ARHGEF6: variants seen among roughly 807,000 people sequenced by gnomAD.
The protein encoded by ARHGEF6 is rho guanine nucleotide exchange factor 6.
Under a neutral mutation model 70.3 loss-of-function variants are expected in ARHGEF6, and 9 were observed. That is an observed-to-expected ratio of 0.13 (90% CI 0.08 to 0.22). The LOEUF (loss-of-function observed/expected upper bound fraction) is 0.22. Ranked by LOEUF, ARHGEF6 falls within the 10% of genes least tolerant of loss-of-function variation. The pLI, the probability that ARHGEF6 is intolerant of heterozygous loss-of-function variation, is 1.00. For missense variants in ARHGEF6, 470 were observed against 563.0 expected (o/e 0.83, Z 1.67); for synonymous variants, 201 against 207.8 (o/e 0.97, Z 0.28).
At chrX:136,704,431 G>A (rs2076606240) in intron 9 of ARHGEF6, among the ~76,000 whole-genome samples, 2 of 112,300 alleles carry the variant, frequency 1.8e-5, no homozygotes, top group Non-Finnish European at 3.8e-5. Context: ...GAAGGTATAC[G>A]AACTTCCAGT....
chrX:136,729,647 T>C (rs2076914108), intron 6 of ARHGEF6, among the ~76,000 whole-genome samples: 1 of 107,365 alleles, frequency 9.3e-6, no homozygotes, highest in Non-Finnish European at 1.9e-5. Flanking sequence ...CTGGCCAATA[T>C]AGTGAAACCC....
At chrX:136,767,072 G>T in intron 2 of ARHGEF6, 1 of 744,601 alleles carries the variant, frequency 1.3e-6, no homozygotes, top group Middle Eastern at 7.7e-4. Flanking sequence ...TCCAAAGGGG[G>T]TCCTTCGGCA....
chrX:136,743,934 G>A (rs2077069698), intron 4 of ARHGEF6, 148 bp from the exon 5 acceptor site: 1 of 526,774 alleles, frequency 1.9e-6, no homozygotes, highest in Non-Finnish European at 3.2e-6. Flanking sequence ...AGGAATCCAT[G>A]AATGGGTCTC....
At chrX:136,744,790 T>C (rs775684335) in intron 4 of ARHGEF6, among the ~76,000 whole-genome samples, 1 of 112,029 alleles carries the variant, frequency 8.9e-6, no homozygotes, top group South Asian at 3.7e-4. Context: ...AAATCAAGCC[T>C]TCCTCATTAG....
intron 2 of ARHGEF6, among the ~76,000 whole-genome samples, chrX:136,777,194 C>T (rs1264991866): frequency 9.0e-6 from 1 of 111,513 alleles, no homozygotes; most frequent in Non-Finnish European, 1.9e-5. Context: ...CACTGCATTC[C>T]AGCTTGGGCA....
chrX:136,756,812 A>G (rs1375726522), intron 2 of ARHGEF6, among the ~76,000 whole-genome samples: 1 of 112,539 alleles, frequency 8.9e-6, no homozygotes, highest in Non-Finnish European at 1.9e-5. Context: ...TTTGAAAAGT[A>G]TGTCATTTTC....
At chrX:136,674,750 T>A (rs868280330) in intron 19 of ARHGEF6, among the ~76,000 whole-genome samples, 3 of 111,584 alleles carry the variant, frequency 2.7e-5, no homozygotes, top group South Asian at 3.8e-4. Flanking sequence ...TAAAAAAAAA[T>A]TTTCACTTCT....
chrX:136,750,210 A>G (rs1393563558), intron 2 of ARHGEF6, among the ~76,000 whole-genome samples: 3 of 112,349 alleles, frequency 2.7e-5, no homozygotes, highest in Non-Finnish European at 5.6e-5. Flanking sequence ...CACTTTTTCT[A>G]GGACTAATCC....
intron 21 of ARHGEF6, among the ~76,000 whole-genome samples, chrX:136,668,533 C>CTTCTTCTTATTATTA (rs61661248): frequency 1.3e-4 from 13 of 98,464 alleles, no homozygotes; most frequent in African/African-American, 4.9e-4. Flanking sequence ...TCTTCTTCTT[C>CTTCTTCTTATTATTA]TTATTATTAT....
chrX:136,700,388 G>A (rs760661946), intron 9 of ARHGEF6, among the ~76,000 whole-genome samples: 1 of 111,195 alleles, frequency 9.0e-6, no homozygotes, highest in Non-Finnish European at 1.9e-5. Context: ...TTAGCCAGGC[G>A]TGGTGGCACA....
chrX:136,737,482 AG>A (rs1413758821), intron 5 of ARHGEF6: 2 of 689,071 alleles, frequency 2.9e-6, no homozygotes, highest in Non-Finnish European at 3.4e-6. Context: ...AAAAAAAAAA[AG>A]GGTTTCACTA....
chrX:136,767,700 CG>C (rs2077331977), intron 2 of ARHGEF6: 2 of 753,062 alleles, frequency 2.7e-6, no homozygotes, highest in Admixed American at 8.6e-5. Context: ...CAGCTACCCG[CG>C]CCGGTCCCCT....
At chrX:136,680,479 T>G (rs1024660763) in intron 15 of ARHGEF6, among the ~76,000 whole-genome samples, 1 of 112,558 alleles carries the variant, frequency 8.9e-6, no homozygotes, top group Non-Finnish European at 1.9e-5. Flanking sequence ...TTAGAAATAC[T>G]TTGCTAGCAG....
intron 6 of ARHGEF6, among the ~76,000 whole-genome samples, chrX:136,714,838 G>A (rs1052125871): frequency 1.8e-5 from 2 of 111,328 alleles, no homozygotes; most frequent in Non-Finnish European, 3.8e-5. Flanking sequence ...CCTACCTGGG[G>A]GACCATTATG....
chrX:136,703,673 C>T (rs2076598677), intron 9 of ARHGEF6, among the ~76,000 whole-genome samples: 1 of 112,016 alleles, frequency 8.9e-6, no homozygotes, highest in Admixed American at 9.4e-5. Flanking sequence ...CAGCCATGTG[C>T]AAGCATGCCC....
intron 2 of ARHGEF6, among the ~76,000 whole-genome samples, chrX:136,776,932 A>G (rs2077410173): frequency 9.0e-6 from 1 of 111,683 alleles, no homozygotes. Context: ...AGAAATAAAA[A>G]TAAACAAATA....
intron 6 of ARHGEF6, among the ~76,000 whole-genome samples, chrX:136,730,533 G>C (rs1200745034): frequency 1.8e-5 from 2 of 111,234 alleles, no homozygotes; most frequent in Non-Finnish European, 3.8e-5. Flanking sequence ...GCTATCATGA[G>C]TTCCGCAAGA....
intron 9 of ARHGEF6, among the ~76,000 whole-genome samples, chrX:136,694,348 C>T (rs1264934595): frequency 8.9e-6 from 1 of 112,170 alleles, no homozygotes; most frequent in African/African-American, 3.2e-5. Context: ...CCACCGCGCC[C>T]GGCCTTGTCC....
rs543577346 is a variant in ARHGEF6, at chrX:136,669,812, A to T, written c.2136-276T>A. 3.2e-4 allele frequency among the ~76,000 whole-genome samples: 36 copies of T among 111,997 alleles called. 1 individual carries two copies. In the South Asian group the frequency reaches 0.013, roughly 41 times the overall value. Reference sequence around the variant, plus strand: ...TCACTTCCCAGCTTGGGTGAACAAAACACAAGAGACTAGGGCCCGTCACTA... The same window carrying T: ...TCACTTCCCAGCTTGGGTGAACAAATCACAAGAGACTAGGGCCCGTCACTA... On this transcript the variant is annotated intron_variant, in intron 20 of 21. Transcript: ENST00000250617.
Sources: gnomAD v4.1 joint callset for allele counts (sites outside exome capture counted in the v4.1 genomes callset) on GRCh38, gnomAD v4.1.1 for gene constraint, MANE v1.5 for transcripts, NCBI Gene and HGNC (gene_info 2026-07-23, HGNC 2026-07-21) for gene names.